The following SH3BGRL variants were observed in gnomAD, a reference collection of about 807,000 sequenced individuals.
SH3BGRL encodes the protein adapter SH3BGRL.
SH3BGRL carries 7 observed loss-of-function variants against 9.8 expected under a neutral mutation model. The ratio of observed to expected loss-of-function variants is 0.72; its 90% confidence interval spans 0.41 to 1.35. SH3BGRL has a LOEUF of 1.35. SH3BGRL is among the 40% of genes most tolerant of loss of function. The probability of loss-of-function intolerance (pLI) is 0.01; values close to 1 mark genes in which losing one functional copy is unlikely to be tolerated. For synonymous variants in SH3BGRL, 36 were observed against 29.1 expected (o/e 1.24, Z -0.76); for missense variants, 73 against 84.4 (o/e 0.86, Z 0.53).
At chrX:81,237,030 G>T (rs1245043373) in intron 1 of SH3BGRL, 1 of 796,519 alleles carries the variant, frequency 1.3e-6, no homozygotes, top group Non-Finnish European at 1.6e-6. Flanking sequence ...TGAAACCATG[G>T]AAATTAGATA....
chrX:81,218,731 C>A (rs941912674), intron 1 of SH3BGRL, among the ~76,000 whole-genome samples: 2 of 100,524 alleles, frequency 2.0e-5, no homozygotes, highest in African/African-American at 7.2e-5. Flanking sequence ...GTATATATAT[C>A]TGTATATATA....
At chrX:81,268,319 C>T (rs1029155811) in intron 1 of SH3BGRL, among the ~76,000 whole-genome samples, 3 of 111,182 alleles carry the variant, frequency 2.7e-5, no homozygotes, top group Non-Finnish European at 3.8e-5. Flanking sequence ...TTTACGGTTT[C>T]GATTTTAGAC....
chrX:81,274,582 A>T (rs754130485), intron 1 of SH3BGRL, among the ~76,000 whole-genome samples: 32 of 108,352 alleles, frequency 3.0e-4, no homozygotes, highest in Non-Finnish European at 5.7e-4. Context: ...ACAGAGCTAG[A>T]CTCTGTCTCA....
chrX:81,234,370 T>G (rs1225208551), intron 1 of SH3BGRL, among the ~76,000 whole-genome samples: 3 of 112,337 alleles, frequency 2.7e-5, no homozygotes, highest in African/African-American at 3.2e-5. Flanking sequence ...CTTTCATGAT[T>G]TTTACAAAGT....
chrX:81,220,940 A>G (rs2075598359), intron 1 of SH3BGRL, among the ~76,000 whole-genome samples: 2 of 110,699 alleles, frequency 1.8e-5, no homozygotes, highest in South Asian at 7.5e-4. Context: ...TCTTCTTGTT[A>G]TTGGTTTCCA....
chrX:81,251,803 G>A (rs1386669978), intron 1 of SH3BGRL, among the ~76,000 whole-genome samples: 1 of 111,875 alleles, frequency 8.9e-6, no homozygotes, highest in Non-Finnish European at 1.9e-5. Context: ...AGGATATTGG[G>A]GGTAGCTTCC....
rs566025610 is a variant in SH3BGRL, at chrX:81,227,415, A to G, written c.45+25170A>G. On this transcript the variant is annotated intron_variant, in intron 1 of 3. Coordinates refer to ENST00000373212, the MANE Select transcript of SH3BGRL (RefSeq NM_003022.3). ...CTGTTCTGCACAGTTTCTAACCCCT[A>G]TGCCCTTACTTTGCTGGGTCTATTT... Among the ~76,000 whole-genome samples the G allele has an allele frequency of 2.5e-3, 276 of 111,671 alleles. 1 individual carries two copies. Among genetic ancestry groups the G allele is most frequent in the African/African-American group, 8.6e-3 (264 of 30,806 alleles).
intron 3 of SH3BGRL, among the ~76,000 whole-genome samples, chrX:81,279,784 A>G (rs1034133486): frequency 1.8e-5 from 2 of 111,200 alleles, no homozygotes; most frequent in African/African-American, 6.5e-5. Context: ...GAAAGAAGGA[A>G]TTCTCTAGCC....
chrX:81,215,892 G>T (rs2075579966), intron 1 of SH3BGRL, among the ~76,000 whole-genome samples: 1 of 111,634 alleles, frequency 9.0e-6, no homozygotes, highest in South Asian at 3.7e-4. Flanking sequence ...CTATTATACA[G>T]TTCTGATTAA....
chrX:81,261,059 GT>G (rs747179417), intron 1 of SH3BGRL, among the ~76,000 whole-genome samples: 1 of 111,552 alleles, frequency 9.0e-6, no homozygotes, highest in African/African-American at 3.2e-5. Flanking sequence ...AGTGATATTA[GT>G]TGTAAAAGAT....
intron 1 of SH3BGRL, chrX:81,236,985 A>T: frequency 2.3e-6 from 1 of 444,443 alleles, no homozygotes; most frequent in Non-Finnish European, 3.2e-6. Context: ...GTGGCAAGGA[A>T]CCTTCAGTAA....
intron 1 of SH3BGRL, among the ~76,000 whole-genome samples, chrX:81,258,031 C>T (rs938854390): frequency 1.5e-4 from 17 of 111,653 alleles, no homozygotes; most frequent in African/African-American, 5.2e-4. Context: ...CCTGCTGTCT[C>T]AAAGCCATCA....
chrX:81,264,424 C>G (rs1481287538), intron 1 of SH3BGRL, among the ~76,000 whole-genome samples: 1 of 111,445 alleles, frequency 9.0e-6, no homozygotes, highest in Non-Finnish European at 1.9e-5. Flanking sequence ...GATAGCCACC[C>G]CAAAAAGGGT....
intron 1 of SH3BGRL, among the ~76,000 whole-genome samples, chrX:81,207,309 T>C (rs778438105): frequency 2.7e-4 from 30 of 111,521 alleles, no homozygotes; most frequent in Non-Finnish European, 4.7e-4. Context: ...TTTTAAAAAT[T>C]GATGTATTTT....
intron 1 of SH3BGRL, among the ~76,000 whole-genome samples, chrX:81,224,441 C>T (rs1380533310): frequency 1.9e-5 from 2 of 104,705 alleles, no homozygotes; most frequent in African/African-American, 6.9e-5. Context: ...ATAGCAAGAG[C>T]TTTGAATTTC....
intron 1 of SH3BGRL, among the ~76,000 whole-genome samples, chrX:81,222,943 A>C (rs1189863568): frequency 9.0e-6 from 1 of 111,656 alleles, no homozygotes; most frequent in Admixed American, 9.4e-5. Flanking sequence ...GCATTTTTTC[A>C]TGTGTCTTTT....
chrX:81,245,272 G>T (rs1405060110), intron 1 of SH3BGRL, among the ~76,000 whole-genome samples: 1 of 111,788 alleles, frequency 8.9e-6, no homozygotes, highest in African/African-American at 3.3e-5. Flanking sequence ...ACTCTGTTCT[G>T]TATTCTGAGG....
chrX:81,205,644 T>G (rs1201745413), intron 1 of SH3BGRL, among the ~76,000 whole-genome samples: 3 of 109,380 alleles, frequency 2.7e-5, no homozygotes, highest in Admixed American at 2.0e-4. Flanking sequence ...TATACTGATA[T>G]CCTTTCTTTT....
intron 1 of SH3BGRL, among the ~76,000 whole-genome samples, chrX:81,275,574 T>C (rs908330401): frequency 5.4e-5 from 6 of 112,003 alleles, no homozygotes; most frequent in Non-Finnish European, 9.4e-5. Context: ...CACTAGGCAC[T>C]CCTATTTATT....
Sources: allele counts gnomAD v4.1 joint callset (sites outside exome capture counted in the v4.1 genomes callset), GRCh38; gene constraint gnomAD v4.1.1; transcripts MANE v1.5; gene names NCBI Gene and HGNC (gene_info 2026-07-23, HGNC 2026-07-21).